Variants in NLRP7 observed in about 807,000 individuals in gnomAD.
NLRP7 encodes NACHT, LRR and PYD domains-containing protein 7.
In NLRP7, 72 loss-of-function variants were observed where a neutral mutation model predicts 85.5. That is an observed-to-expected ratio of 0.84 (90% CI 0.70 to 1.02). The LOEUF is 1.02. Ranked by LOEUF, NLRP7 falls within the 50% of genes least tolerant of loss-of-function variation. The pLI is 0.00. For missense variants in NLRP7, 1,243 were observed against 1,219.5 expected, an observed-to-expected ratio of 1.02 and a Z score of -0.29; for synonymous variants, 550 against 505.2, an observed-to-expected ratio of 1.09 and a Z score of -1.19.
At chr19:54,960,503 G>A (rs1223527117) in intron 1 of NLRP7, among the ~76,000 whole-genome samples, 1 of 151,836 alleles carries the variant, frequency 6.6e-6, no homozygotes, top group Non-Finnish European at 1.5e-5. Flanking sequence ...CATGAGTTAT[G>A]TGACCTTGGG....
chr19:54,942,626 A>G (rs1008654396), intron 1 of NLRP7, among the ~76,000 whole-genome samples: 1 of 152,074 alleles, frequency 6.6e-6, no homozygotes, highest in Non-Finnish European at 1.5e-5. Flanking sequence ...AGACAGGAGA[A>G]TCACACTTGA....
intron 6 of NLRP7, among the ~76,000 whole-genome samples, chr19:54,935,128 T>C (rs73605935): frequency 0.03 from 4,586 of 152,230 alleles, 225 homozygotes; most frequent in African/African-American, 0.1. Flanking sequence ...AGTATCCCCA[T>C]GGCCATTAGG....
exon 3 of NLRP7, chr19:54,940,988 C>T: frequency 6.2e-7 from 1 of 1,611,794 alleles, no homozygotes; most frequent in South Asian, 1.1e-5. Context: ...TTATCTATTT[C>T]TTGCACCTGT....
upstream of NLRP7, chr19:54,947,909 A>T (rs2069545911): frequency 3.9e-6 from 1 of 255,016 alleles, no homozygotes; most frequent in Admixed American, 5.0e-5. Flanking sequence ...GAGGACAAAA[A>T]CTCCCGTGAC....
At chr19:54,947,772 GC>G (rs917285228), upstream of NLRP7, 10 of 664,476 alleles carry the variant, frequency 1.5e-5, no homozygotes, top group African/African-American at 1.5e-4. Flanking sequence ...GACCACCCGG[GC>G]CAGGTGTGAT....
chr19:54,948,640 C>G (rs556286215), upstream of NLRP7, among the ~76,000 whole-genome samples: 6 of 152,192 alleles, frequency 3.9e-5, no homozygotes, highest in East Asian at 1.2e-3. Context: ...GTGCAATCTC[C>G]ATTCTTGCAA....
At chr19:54,944,250 T>G (rs1259806152) in intron 1 of NLRP7, among the ~76,000 whole-genome samples, 1 of 151,916 alleles carries the variant, frequency 6.6e-6, no homozygotes, top group Admixed American at 6.6e-5. Flanking sequence ...AATGTCTCGG[T>G]GTAAAACCCG....
intron 8 of NLRP7, among the ~76,000 whole-genome samples, chr19:54,930,948 G>A (rs1014034472): frequency 1.6e-4 from 24 of 152,042 alleles, no homozygotes; most frequent in Admixed American, 7.2e-4. Context: ...GCTTGAATCC[G>A]GGAGGCAGAG....
At chr19:54,959,930 T>C (rs951246156) in intron 1 of NLRP7, among the ~76,000 whole-genome samples, 1 of 151,864 alleles carries the variant, frequency 6.6e-6, no homozygotes, top group Non-Finnish European at 1.5e-5. Context: ...AAGCAGGCAA[T>C]GTACACAGAG....
At chr19:54,962,815 G>A (rs1189894599) in intron 1 of NLRP7, among the ~76,000 whole-genome samples, 9 of 149,322 alleles carry the variant, frequency 6.0e-5, no homozygotes, top group Non-Finnish European at 8.9e-5. Flanking sequence ...TAGCCAGGAT[G>A]GTCTCCATCT....
intron 1 of NLRP7, among the ~76,000 whole-genome samples, chr19:54,943,482 T>C (rs1447628875): frequency 2.0e-5 from 3 of 150,708 alleles, no homozygotes; most frequent in Non-Finnish European, 4.4e-5. Context: ...GCGCCTGTAG[T>C]CCCAGCTACT....
intron 1 of NLRP7, among the ~76,000 whole-genome samples, chr19:54,963,074 C>T (rs2070116288): frequency 6.6e-6 from 1 of 152,118 alleles, no homozygotes; most frequent in African/African-American, 2.4e-5. Flanking sequence ...GCAATCACTA[C>T]TGTGTAGCAA....
At chr19:54,937,462 C>G (rs1365438469) in intron 5 of NLRP7, among the ~76,000 whole-genome samples, 2 of 151,940 alleles carry the variant, frequency 1.3e-5, no homozygotes, top group Non-Finnish European at 2.9e-5. Context: ...AAGACCGAGG[C>G]AGGCGCATCA....
At position 54,954,837 on chromosome 19, in the gene NLRP7, G is replaced by C. The variant is rs558153330; in HGVS notation, c.-76-7332C>G. Among the ~76,000 whole-genome samples, 20 of 152,026 alleles carry C rather than the reference G, an allele frequency of 1.3e-4. No individual in the cohort carries two copies. The East Asian group carries it at 3.9e-3, about 30-fold the overall frequency. On this transcript the variant is annotated intron_variant, in intron 1 of 2. Transcript: ENST00000587103. ...CACTGCACTCCAGCCTGGGCGACAA[G>C]AGCAAAACTCCATCTCAAAAAAAAT...
rs974463493 is a variant in NLRP7, at chr19:54,943,138, ACT to A, written c.-39-1390_-39-1389del. ...CTCCAGCCTGGGCAACAAGAGCGAA[ACT>A]CTATCTCAAAAAAAAAAAACTTAGC... On this transcript the variant is annotated intron_variant, in intron 1 of 9. Transcript: ENST00000340844. Among the ~76,000 whole-genome samples, 13 of 148,762 alleles carry A rather than the reference ACT, an allele frequency of 8.7e-5. No individual in the cohort carries two copies. In the South Asian group the frequency reaches 1.3e-3, roughly 15 times the overall value.
intron 9 of NLRP7, among the ~76,000 whole-genome samples, chr19:54,927,345 C>T (rs1486403386): frequency 1.3e-5 from 2 of 150,870 alleles, no homozygotes; most frequent in African/African-American, 4.9e-5. Context: ...CGCACCACTG[C>T]ACTCCAGCCT....
intron 1 of NLRP7, among the ~76,000 whole-genome samples, chr19:54,963,579 T>G (rs2146293138): frequency 6.6e-6 from 1 of 152,014 alleles, no homozygotes; most frequent in East Asian, 2.0e-4. Context: ...ATCCTAGCAC[T>G]TTGGGAGGCC....
chr19:54,931,842 G>A lies in NLRP7; in HGVS notation c.2643-1176C>T, dbSNP rs559843762. ...TCCAGCCTGGTGACAGAGAGAGACT[G>A]TTAAAAAAAAAAAAAAAACATCCAA... is the stretch of plus-strand genomic sequence containing the variant. On this transcript the variant is annotated intron_variant, in intron 8 of 9. Transcript: ENST00000340844. 3.0e-4 allele frequency among the ~76,000 whole-genome samples: 21 copies of A among 70,290 alleles called. No individual in the cohort carries two copies. In the East Asian group the frequency reaches 7.5e-3, roughly 25 times the overall value. 46.1% of individuals were successfully genotyped at this position (70,290 alleles called of 152,430 possible).
chr19:54,936,259 A>AC lies in NLRP7; in HGVS notation c.2300+1dup. ...GGGGAGAGCCGTGACCGTGAGACCC[A>AC]CCTCAGGTACTGCAGGTTGCATTTA... On this transcript the variant is annotated splice_donor_variant, in intron 6 of 9. Transcript: ENST00000340844. LOFTEE classifies it high-confidence loss of function. 1 of 1,612,524 alleles carries AC rather than the reference A, an allele frequency of 6.2e-7. No homozygotes were observed.
Sources: allele counts gnomAD v4.1 joint callset (sites outside exome capture counted in the v4.1 genomes callset), GRCh38; gene constraint gnomAD v4.1.1; transcripts MANE v1.5; gene names NCBI Gene and HGNC (gene_info 2026-07-23, HGNC 2026-07-21).